The following LRPPRC variants were observed in gnomAD, a reference collection of about 807,000 sequenced individuals.
The protein encoded by LRPPRC is leucine-rich PPR motif-containing protein, mitochondrial.
A neutral mutation model predicts 180.3 loss-of-function variants in LRPPRC; 120 were observed. The observed-to-expected ratio is 0.67, with a 90% CI of 0.57 to 0.77. The LOEUF is 0.77. LRPPRC is among the 30% of genes least tolerant of loss of function. The pLI is 0.00. For synonymous variants in LRPPRC, 723 were observed against 600.0 expected, an observed-to-expected ratio of 1.21 and a Z score of -3.00; for missense variants, 2,012 against 1,657.2, an observed-to-expected ratio of 1.21 and a Z score of -3.72.
At chr2:43,911,837 T>C (rs1671273286) in intron 30 of LRPPRC, among the ~76,000 whole-genome samples, 1 of 152,128 alleles carries the variant, frequency 6.6e-6, no homozygotes, top group South Asian at 2.1e-4. Context: ...AGATTTCTTT[T>C]TTTTAATCCA....
intron 14 of LRPPRC, among the ~76,000 whole-genome samples, chr2:43,955,170 T>G (rs1357655181): frequency 6.6e-6 from 1 of 151,646 alleles, no homozygotes; most frequent in Non-Finnish European, 1.5e-5. Context: ...GATCAATGAA[T>G]CAAAAAAGGT....
intron 27 of LRPPRC, among the ~76,000 whole-genome samples, chr2:43,924,583 T>A (rs4953038): frequency 0.21 from 31,975 of 152,064 alleles, 3,755 homozygotes; most frequent in East Asian, 0.45. Context: ...AGAAAAATGT[T>A]TGTAATATAT....
chr2:43,955,971 G>A (rs1422303927), intron 14 of LRPPRC, among the ~76,000 whole-genome samples: 1 of 151,688 alleles, frequency 6.6e-6, no homozygotes, highest in Non-Finnish European at 1.5e-5. Flanking sequence ...CATCATTATT[G>A]CACACCTGCC....
chr2:43,984,143 C>T (rs1004024877), intron 1 of LRPPRC, among the ~76,000 whole-genome samples: 3 of 152,032 alleles, frequency 2.0e-5, no homozygotes, highest in Non-Finnish European at 4.4e-5. Flanking sequence ...TGTTACTAAA[C>T]TATCCCCTTC....
chr2:43,949,679 G>A lies in LRPPRC; in HGVS notation c.1678-20C>T, dbSNP rs745515182. 4.6e-5 allele frequency: 72 copies of A among 1,558,378 alleles called. No individual in the cohort carries two copies. The South Asian group carries it at 6.7e-4, about 14-fold the overall frequency. ...TGTTATCTGGTAAGACAGAAAATTC[G>A]TGCATTGCAGCAAGAGAAGCAAACA... On this transcript the variant is annotated intron_variant, in intron 15 of 37. Coordinates refer to ENST00000260665, the MANE Select transcript of LRPPRC (RefSeq NM_133259.4).
In LRPPRC at chr2:43,895,377, C is replaced by A. The variant is rs554248523; in HGVS notation, c.3901-748G>T. 7.2e-5 allele frequency among the ~76,000 whole-genome samples: 11 copies of A among 152,332 alleles called. No individual in the cohort carries two copies. In the East Asian group the frequency reaches 2.1e-3, roughly 29 times the overall value. On this transcript the variant is annotated intron_variant, in intron 35 of 37. Transcript: ENST00000260665. Reference sequence around the variant, plus strand: ...TTCAGTCAATCCACACCTGGACCTGCATCCTCCCAGGGCTTCTTCTATTTT... The same window carrying A: ...TTCAGTCAATCCACACCTGGACCTGAATCCTCCCAGGGCTTCTTCTATTTT...
At position 43,945,305 on chromosome 2, in the gene LRPPRC, A is replaced by C. The variant is rs28394191; in HGVS notation, c.2296+27T>G. ...TCCAGTGGCAAGATACTTGCATCACATATTTCCTTTATGTGCTGAGGCTTA... is the reference window on the plus strand; with the variant it reads ...TCCAGTGGCAAGATACTTGCATCACCTATTTCCTTTATGTGCTGAGGCTTA... On this transcript the variant is annotated intron_variant, in intron 22 of 37. Coordinates refer to ENST00000260665, the MANE Select transcript of LRPPRC (RefSeq NM_133259.4). 0.44 allele frequency: 648,019 copies of C among 1,462,494 alleles called. 152,247 individuals carry two copies. Among genetic ancestry groups the C allele is most frequent in the East Asian group, 0.94 (41,627 of 44,120 alleles). The allele number at this position is 1,462,494 out of a possible 1,614,324, so 90.6% of individuals were successfully genotyped here.
chr2:43,933,486 A>G (rs1672162798), intron 25 of LRPPRC, among the ~76,000 whole-genome samples: 1 of 152,234 alleles, frequency 6.6e-6, no homozygotes. Context: ...ATTTTTCTTA[A>G]GGCAATGGGT....
intron 30 of LRPPRC, among the ~76,000 whole-genome samples, chr2:43,911,233 G>C (rs1251911621): frequency 1.3e-5 from 2 of 151,472 alleles, no homozygotes; most frequent in Non-Finnish European, 1.5e-5. Context: ...AAACCCAACA[G>C]TCCTAGTGCG....
intron 1 of LRPPRC, among the ~76,000 whole-genome samples, chr2:43,995,410 A>C (rs557025888): frequency 6.6e-6 from 1 of 152,298 alleles, no homozygotes; most frequent in Non-Finnish European, 1.5e-5. Flanking sequence ...GTGGTTACTG[A>C]TCACCAACGG....
intron 27 of LRPPRC, among the ~76,000 whole-genome samples, chr2:43,919,768 T>C (rs939438257): frequency 6.6e-6 from 1 of 152,084 alleles, no homozygotes; most frequent in African/African-American, 2.4e-5. Flanking sequence ...AATACAATTA[T>C]TAAATGCACA....
At chr2:43,931,276 T>G (rs1174646548) in intron 25 of LRPPRC, among the ~76,000 whole-genome samples, 2 of 152,178 alleles carry the variant, frequency 1.3e-5, no homozygotes, top group African/African-American at 2.4e-5. Context: ...CCCTTGGGTT[T>G]GATTCCCAAG....
At position 43,888,630 on chromosome 2, in the gene LRPPRC, C is replaced by A; in HGVS notation, c.4155G>T (p.Gln1385His). The A allele has an allele frequency of 6.2e-7, 1 of 1,602,874 alleles. No individual in the cohort carries two copies. The highest frequency in any genetic ancestry group is 8.5e-7 in the Non-Finnish European group (1 of 1,170,012). Residue 1385 changes from glutamine to histidine, a missense_variant, in exon 38 of 38, where the codon CAG becomes CAT. Gln to His is a conservative substitution (Grantham distance 24, BLOSUM62 0). Transcript: ENST00000260665. ...AAGAGTTTTCCCTCAATTTTCTTAG[C>A]TGCTGTGCATAAAATTCAAAGCTTT... ...PPESFEFYAQ[Q>H]LRKLRENSS
chr2:43,930,306 G>C (rs1672042056), intron 25 of LRPPRC, among the ~76,000 whole-genome samples: 1 of 152,092 alleles, frequency 6.6e-6, no homozygotes, highest in South Asian at 2.1e-4. Flanking sequence ...CAGATATTGA[G>C]GGGTCATGAG....
Position 43,918,410 on chromosome 2 carries a change from G to T in LRPPRC, c.2897-12C>A. 6.3e-7 allele frequency: 1 copy of T among 1,589,938 alleles called. No homozygotes were observed. The highest frequency in any genetic ancestry group is 8.6e-7 in the Non-Finnish European group (1 of 1,158,590). ...GTCACCGTTTATTTCTGTAGAATTT[G>T]ATTAAGCAGAAATTAATCAATAAAT... is the stretch of plus-strand genomic sequence containing the variant. On this transcript the variant is annotated splice_polypyrimidine_tract_variant and intron_variant, in intron 27 of 37. Transcript: ENST00000260665.
chr2:43,894,665 G>T (rs753483730), intron 35 of LRPPRC, 36 bp from the exon 36 acceptor site: 6 of 1,012,586 alleles, frequency 5.9e-6, no homozygotes, highest in Non-Finnish European at 9.5e-6. Flanking sequence ...TATGAAAACC[G>T]CAAATTAACA....
intron 5 of LRPPRC, 100 bp downstream of exon 5, chr2:43,976,894 T>C: frequency 2.2e-6 from 2 of 911,266 alleles, no homozygotes; most frequent in Non-Finnish European, 3.6e-6. Context: ...TGAAACAATT[T>C]CCTCCATTAG....
chr2:43,895,921 T>C (rs977396342), intron 35 of LRPPRC, among the ~76,000 whole-genome samples: 5 of 152,076 alleles, frequency 3.3e-5, no homozygotes, highest in Admixed American at 6.5e-5. Context: ...CCACAGAAAT[T>C]TTTTTTTAAA....
rs116417746 is a variant in LRPPRC, at chr2:43,932,800, A to G, written c.2736+1390T>C. Among the ~76,000 whole-genome samples, 934 of 152,344 alleles carry G rather than the reference A, an allele frequency of 6.1e-3. 10 individuals carry two copies. Among genetic ancestry groups the G allele is most frequent in the African/African-American group, 0.021 (875 of 41,586 alleles). ...ACATGAGGAAGCTTAGAAAGGTTTA[A>G]TAACTTGTCCATTATCACATAAGCA... On this transcript the variant is annotated intron_variant, in intron 25 of 37. Transcript: ENST00000260665.
Sources: allele counts gnomAD v4.1 joint callset (sites outside exome capture counted in the v4.1 genomes callset), GRCh38; gene constraint gnomAD v4.1.1; transcripts MANE v1.5; gene names NCBI Gene and HGNC (gene_info 2026-07-23, HGNC 2026-07-21).